Variants in RBFOX1 observed in about 807,000 individuals in gnomAD.
The protein encoded by RBFOX1 is RNA binding protein fox-1 homolog 1.
RBFOX1 carries 8 observed loss-of-function variants against 57.7 expected under a neutral mutation model. The ratio of observed to expected loss-of-function variants is 0.14; its 90% CI spans 0.08 to 0.25. RBFOX1 has a LOEUF of 0.25. Among genes scored for constraint, RBFOX1 ranks in the 10% least tolerant of loss-of-function variants. The pLI, the probability that RBFOX1 is intolerant of heterozygous loss-of-function variation, is 1.00. For missense variants in RBFOX1, 611 were observed against 548.5 expected (o/e 1.11, Z -1.14); for synonymous variants, 326 against 222.4 (o/e 1.47, Z -4.15).
rs192034157 is a variant in RBFOX1 at position 6,263,640 on chromosome 16, C to T, written c.-126-53355C>T. Among the ~76,000 whole-genome samples, 20 of 152,284 alleles carry T rather than the reference C, an allele frequency of 1.3e-4. No homozygotes were observed. In the East Asian group the frequency reaches 3.9e-3, roughly 29 times the overall value. On this transcript the variant is annotated intron_variant, in intron 1 of 15. Transcript: ENST00000550418. ...CTCTCTCCTTCCTTGGAGCTTAGAG[C>T]TTCTGCTAGTGTCTGCTCCTTTCCT...
rs1250250383 is a variant in RBFOX1 at position 5,917,133 on chromosome 16, C to G, written c.351+49798C>G. 3.3e-5 allele frequency among the ~76,000 whole-genome samples: 5 copies of G among 152,226 alleles called. No homozygotes were observed. The East Asian group carries it at 9.7e-4, about 29-fold the overall frequency. ...TGTGGGTCTGTTTTCCTTCCTGTTC[C>G]TCTGCTTTAGACAACCGCTTCCTAA... On this transcript the variant is annotated intron_variant, in intron 4 of 19. Coordinates refer to the RBFOX1 transcript ENST00000641259.
intron 4 of RBFOX1, among the ~76,000 whole-genome samples, chr16:7,409,095 C>T (rs1174865923): frequency 6.6e-6 from 1 of 152,224 alleles, no homozygotes; most frequent in Non-Finnish European, 1.5e-5. Flanking sequence ...CCCGATAACC[C>T]TGAGCTGCGC....
chr16:5,692,695 T>C (rs552859801), intron 3 of RBFOX1, among the ~76,000 whole-genome samples: 1 of 152,240 alleles, frequency 6.6e-6, no homozygotes, highest in Non-Finnish European at 1.5e-5. Context: ...CAGTGCCTCA[T>C]CTAGTAGTTC....
chr16:7,397,441 T>C (rs554304221), intron 4 of RBFOX1, among the ~76,000 whole-genome samples: 3 of 152,256 alleles, frequency 2.0e-5, no homozygotes, highest in Non-Finnish European at 2.9e-5. Context: ...ACTTGTCACA[T>C]AGGGGGCATA....
intron 1 of RBFOX1, among the ~76,000 whole-genome samples, chr16:6,099,578 G>A (rs190596957): frequency 1.1e-4 from 17 of 152,312 alleles, no homozygotes; most frequent in Admixed American, 1.1e-3. Context: ...TTCTTTTGGT[G>A]TGATGAAAAT....
intron 4 of RBFOX1, among the ~76,000 whole-genome samples, chr16:7,381,944 G>A (rs188845466): frequency 3.2e-4 from 49 of 152,250 alleles, no homozygotes; most frequent in African/African-American, 1.1e-3. Context: ...CTCTAGACTT[G>A]GCTCACTGTC....
chr16:5,956,178 A>G (rs1787888190), intron 4 of RBFOX1, among the ~76,000 whole-genome samples: 1 of 152,126 alleles, frequency 6.6e-6, no homozygotes, highest in African/African-American at 2.4e-5. Flanking sequence ...CCAGAGGGTG[A>G]GGCACGAGGA....
chr16:5,442,218 G>T (rs1001587257), intron 1 of RBFOX1, among the ~76,000 whole-genome samples: 6 of 152,232 alleles, frequency 3.9e-5, no homozygotes, highest in Admixed American at 3.3e-4. Context: ...ACACATTTGA[G>T]GGGGAGGATG....
intron 3 of RBFOX1, among the ~76,000 whole-genome samples, chr16:6,665,705 A>G (rs966401124): frequency 6.6e-6 from 1 of 152,006 alleles, no homozygotes; most frequent in African/African-American, 2.4e-5. Context: ...AGGAAAATAA[A>G]TAATAATAAT....
intron 4 of RBFOX1, among the ~76,000 whole-genome samples, chr16:7,094,628 GTTTTT>G (rs5815365): frequency 4.3e-5 from 6 of 141,024 alleles, no homozygotes; most frequent in African/African-American, 1.3e-4. Flanking sequence ...TTCTTTTGAA[GTTTTT>G]TTTTTTTTTT....
intron 3 of RBFOX1, among the ~76,000 whole-genome samples, chr16:5,624,013 T>A (rs2048275199): frequency 6.6e-6 from 1 of 152,222 alleles, no homozygotes; most frequent in South Asian, 2.1e-4. Flanking sequence ...ACTATTTGAT[T>A]TGATCCTTAC....
chr16:7,011,980 T>G (rs151077100), intron 3 of RBFOX1, among the ~76,000 whole-genome samples: 8 of 152,286 alleles, frequency 5.3e-5, no homozygotes, highest in African/African-American at 1.7e-4. Flanking sequence ...GCTAAGTAGA[T>G]CATGATGTGG....
rs559155299 is a variant in RBFOX1 at position 5,743,297 on chromosome 16, A to G, written c.319-124006A>G. 1.2e-4 allele frequency among the ~76,000 whole-genome samples: 19 copies of G among 152,300 alleles called. No individual in the cohort carries two copies. The East Asian group carries it at 2.5e-3, about 20-fold the overall frequency. On this transcript the variant is annotated intron_variant, in intron 3 of 19. Coordinates refer to the RBFOX1 transcript ENST00000641259. ...GGGCACCTTCTGTTTTCTGAGTTAT[A>G]CTGGCTGATGCTGCTAATTGTGGGC...
At chr16:7,014,941 G>T (rs1030532248) in intron 3 of RBFOX1, among the ~76,000 whole-genome samples, 2 of 152,056 alleles carry the variant, frequency 1.3e-5, no homozygotes, top group Non-Finnish European at 2.9e-5. Context: ...GGCCAGGCTG[G>T]TCTCAAACTG....
intron 4 of RBFOX1, among the ~76,000 whole-genome samples, chr16:5,956,678 A>ATATATATATATATATATATTTTTT (rs368096576): frequency 8.6e-6 from 1 of 116,506 alleles, no homozygotes; most frequent in Non-Finnish European, 1.6e-5. Flanking sequence ...ATATATATAT[A>ATATATATATATATATATATTTTTT]TTTTTTTTGA....
chr16:5,323,085 A>G (rs2064458523), intron 1 of RBFOX1, among the ~76,000 whole-genome samples: 1 of 152,240 alleles, frequency 6.6e-6, no homozygotes, highest in Non-Finnish European at 1.5e-5. Flanking sequence ...TGCAAAATGC[A>G]ATGGGAACAT....
chr16:7,417,292 G>C (rs2098488032), intron 4 of RBFOX1, among the ~76,000 whole-genome samples: 1 of 149,932 alleles, frequency 6.7e-6, no homozygotes, highest in African/African-American at 2.5e-5. Context: ...GGAATCACTT[G>C]AACCTGGGAG....
chr16:7,130,020 T>C (rs1173912278), intron 4 of RBFOX1, among the ~76,000 whole-genome samples: 1 of 151,232 alleles, frequency 6.6e-6, no homozygotes, highest in Non-Finnish European at 1.5e-5. Flanking sequence ...CTAATCTTCT[T>C]CATTTTTGAA....
intron 3 of RBFOX1, among the ~76,000 whole-genome samples, chr16:5,725,043 C>T (rs1282344853): frequency 6.6e-6 from 1 of 152,084 alleles, no homozygotes; most frequent in African/African-American, 2.4e-5. Context: ...TCAACCCTTT[C>T]CCTTGGGAGA....
Sources: allele counts gnomAD v4.1 joint callset (sites outside exome capture counted in the v4.1 genomes callset), GRCh38; gene constraint gnomAD v4.1.1; transcripts MANE v1.5; gene names NCBI Gene and HGNC (gene_info 2026-07-23, HGNC 2026-07-21).